Variants in LINGO2 observed in about 807,000 individuals in gnomAD.
The protein encoded by LINGO2 is leucine rich repeat and Ig domain containing 2, also known as leucine-rich repeat and immunoglobulin-like domain-containing nogo receptor-interacting protein 2.
In LINGO2, 14 loss-of-function variants were observed where a neutral mutation model predicts 30.6. The observed-to-expected ratio is 0.46, with a 90% CI of 0.30 to 0.72. LINGO2 has a LOEUF of 0.72. LINGO2 is among the 30% of genes least tolerant of loss of function. The pLI is 0.07. For synonymous variants in LINGO2, 317 were observed against 288.5 expected, an observed-to-expected ratio of 1.10 and a Z score of -1.00; for missense variants, 729 against 751.7, an observed-to-expected ratio of 0.97 and a Z score of 0.35.
the LINGO2 span, among the ~76,000 whole-genome samples, chr9:29,120,666 A>T: frequency 6.6e-6 from 1 of 152,272 alleles, no homozygotes; most frequent in East Asian, 1.9e-4. Context: ...TGACACTGAA[A>T]ATACACTGTA....
intron 4 of LINGO2, among the ~76,000 whole-genome samples, chr9:28,135,178 C>T (rs1005511953): frequency 1.3e-4 from 20 of 152,036 alleles, no homozygotes; most frequent in African/African-American, 3.9e-4. Context: ...CATATAAAAT[C>T]GTAACCAAAT....
At chr9:29,176,088 G>A in the LINGO2 span, among the ~76,000 whole-genome samples, 6 of 152,094 alleles carry the variant, frequency 3.9e-5, no homozygotes, top group Non-Finnish European at 7.4e-5. Context: ...GATATTTACT[G>A]AGCACCTAGG....
chr9:28,481,185 T>C (rs570678890), intron 1 of LINGO2, among the ~76,000 whole-genome samples: 1 of 152,150 alleles, frequency 6.6e-6, no homozygotes, highest in Non-Finnish European at 1.5e-5. Context: ...AAATTCATAA[T>C]GCAAAAGTGT....
the LINGO2 span, among the ~76,000 whole-genome samples, chr9:29,210,122 T>C: frequency 3.3e-5 from 5 of 152,312 alleles, no homozygotes; most frequent in South Asian, 8.3e-4. Flanking sequence ...TGACATGAAG[T>C]TGCAGAGGAC....
chr9:29,096,347 G>A, the LINGO2 span, among the ~76,000 whole-genome samples: 1 of 139,310 alleles, frequency 7.2e-6, no homozygotes, highest in Non-Finnish European at 1.6e-5. Context: ...CTGCAGTGGC[G>A]AAATTTTCAC....
chr9:28,297,213 T>C (rs1208693112), intron 3 of LINGO2, among the ~76,000 whole-genome samples: 1 of 152,180 alleles, frequency 6.6e-6, no homozygotes, highest in Non-Finnish European at 1.5e-5. Flanking sequence ...AAAGTGAAAA[T>C]AAGTCAGTAT....
chr9:29,006,303 G>A, the LINGO2 span, among the ~76,000 whole-genome samples: 9 of 152,000 alleles, frequency 5.9e-5, no homozygotes, highest in African/African-American at 9.6e-5. Flanking sequence ...AAAAGAACAC[G>A]GCCAGAGAAG....
At chr9:28,745,364 A>G in the LINGO2 span, among the ~76,000 whole-genome samples, 1 of 151,950 alleles carries the variant, frequency 6.6e-6, no homozygotes, top group African/African-American at 2.4e-5. Context: ...TCTTGCTTTG[A>G]TTGTTCCAGT....
At chr9:28,341,770 T>G (rs1825774683) in intron 3 of LINGO2, among the ~76,000 whole-genome samples, 1 of 152,210 alleles carries the variant, frequency 6.6e-6, no homozygotes, top group Non-Finnish European at 1.5e-5. Flanking sequence ...ACTGGCCTCC[T>G]GACTCAAAAT....
intron 4 of LINGO2, among the ~76,000 whole-genome samples, chr9:28,070,456 T>C (rs73643293): frequency 0.064 from 9,721 of 152,246 alleles, 916 homozygotes; most frequent in African/African-American, 0.21. Context: ...AATAATCATT[T>C]CAGTTTATTT....
At chr9:28,093,135 T>C (rs1826145598) in intron 4 of LINGO2, among the ~76,000 whole-genome samples, 1 of 152,106 alleles carries the variant, frequency 6.6e-6, no homozygotes, top group Non-Finnish European at 1.5e-5. Flanking sequence ...ATGTGCGATG[T>C]TGCCAGGGTT....
the LINGO2 span, among the ~76,000 whole-genome samples, chr9:29,052,687 A>G: frequency 6.6e-6 from 1 of 152,146 alleles, no homozygotes; most frequent in Non-Finnish European, 1.5e-5. Context: ...GGCACATCTC[A>G]TTGAACAAAC....
the LINGO2 span, among the ~76,000 whole-genome samples, chr9:28,994,756 C>G: frequency 6.6e-6 from 1 of 152,136 alleles, no homozygotes; most frequent in African/African-American, 2.4e-5. Flanking sequence ...CTGAGAAAAA[C>G]AAGCAATGAG....
At chr9:28,752,815 C>A in the LINGO2 span, among the ~76,000 whole-genome samples, 1 of 152,018 alleles carries the variant, frequency 6.6e-6, no homozygotes, top group Non-Finnish European at 1.5e-5. Context: ...AGGAGTGTGA[C>A]AGCCTAATTA....
the LINGO2 span, among the ~76,000 whole-genome samples, chr9:29,008,305 T>C: frequency 2.0e-5 from 3 of 152,190 alleles, no homozygotes; most frequent in Non-Finnish European, 1.5e-5. Context: ...ATGTGCCACA[T>C]TTTCTTAATC....
chr9:28,556,317 T>C (rs1445009520), intron 1 of LINGO2, among the ~76,000 whole-genome samples: 2 of 151,926 alleles, frequency 1.3e-5, no homozygotes, highest in East Asian at 3.8e-4. Flanking sequence ...ACAAAATCAA[T>C]GTACAAAATT....
intron 4 of LINGO2, among the ~76,000 whole-genome samples, chr9:28,055,634 C>T (rs916529016): frequency 6.6e-6 from 1 of 152,094 alleles, no homozygotes; most frequent in Admixed American, 6.6e-5. Context: ...ATAAAAACGG[C>T]GTCTTGCTAT....
chr9:29,122,648 T>A, the LINGO2 span, among the ~76,000 whole-genome samples: 1 of 152,152 alleles, frequency 6.6e-6, no homozygotes, highest in Admixed American at 6.6e-5. Context: ...CTTTTTAAAA[T>A]CTACATTTTT....
At chr9:28,562,457 CAA>C (rs56998877) in intron 1 of LINGO2, among the ~76,000 whole-genome samples, 61 of 109,186 alleles carry the variant, frequency 5.6e-4, no homozygotes, top group African/African-American at 1.6e-3. Context: ...CATTTACTTT[CAA>C]AAAAAAAAAA....
Sources: gnomAD v4.1 joint callset for allele counts (sites outside exome capture counted in the v4.1 genomes callset) on GRCh38, gnomAD v4.1.1 for gene constraint, MANE v1.5 for transcripts, NCBI Gene and HGNC (gene_info 2026-07-23, HGNC 2026-07-21) for gene names.